The following PROM1 variants were observed in gnomAD, a reference collection of about 807,000 sequenced individuals.
PROM1 encodes prominin 1.
Under a neutral mutation model 116.9 loss-of-function variants are expected in PROM1, and 105 were observed. The ratio of observed to expected loss-of-function variants is 0.90; its 90% confidence interval spans 0.77 to 1.06. The LOEUF (loss-of-function observed/expected upper bound fraction) is 1.06. PROM1 is among the 50% of genes least tolerant of loss of function. The pLI is 0.00. For synonymous variants in PROM1, 393 were observed against 387.0 expected (o/e 1.02, Z -0.18); for missense variants, 1,122 against 1,045.2 (o/e 1.07, Z -1.01).
At chr4:15,993,439 C>A (rs1202213908) in intron 16 of PROM1, among the ~76,000 whole-genome samples, 1 of 152,184 alleles carries the variant, frequency 6.6e-6, no homozygotes, top group Non-Finnish European at 1.5e-5. Context: ...TCCTCCAAAT[C>A]TTAAGACTCA....
chr4:15,995,351 A>AAGG (rs565676604), intron 15 of PROM1, among the ~76,000 whole-genome samples: 1 of 151,404 alleles, frequency 6.6e-6, no homozygotes, highest in East Asian at 1.9e-4. Flanking sequence ...GAAGAAGAAG[A>AAGG]AGGAGGAGGA....
intron 5 of PROM1, 149 bp downstream of exon 5, chr4:16,033,155 G>T: frequency 1.5e-6 from 1 of 655,332 alleles, no homozygotes. Context: ...CTCTAGACAA[G>T]CGCTTGTGCT....
chr4:16,076,108 A>G lies in PROM1; in HGVS notation c.-202T>C. 9.2e-7 allele frequency: 1 copy of G among 1,081,426 alleles called. No homozygotes were observed. Among genetic ancestry groups the G allele is most frequent in the South Asian group, 2.0e-5 (1 of 50,902 alleles). 67.0% of individuals were successfully genotyped at this position (1,081,426 alleles called of 1,614,324 possible). ...GTTCTCCAAGGGGGTCATTCACTCA[A>G]GGCACCATCCCTGGCAGGGAGAGAA... On this transcript the variant is annotated 5_prime_UTR_variant, in exon 2 of 28. Coordinates refer to ENST00000447510, the MANE Select transcript of PROM1 (RefSeq NM_006017.3).
chr4:16,070,961 T>C (rs1366252359), intron 2 of PROM1, among the ~76,000 whole-genome samples: 2 of 152,142 alleles, frequency 1.3e-5, no homozygotes, highest in Non-Finnish European at 2.9e-5. Flanking sequence ...GTAACTGTAA[T>C]CCACTTTATG....
intron 9 of PROM1, among the ~76,000 whole-genome samples, 188 bp downstream of exon 9, chr4:16,018,135 T>C (rs1432218556): frequency 6.6e-6 from 1 of 152,186 alleles, no homozygotes; most frequent in East Asian, 1.9e-4. Flanking sequence ...CGGTTCCCTT[T>C]TACTCCTTTG....
chr4:15,992,473 C>G (rs1721313321), intron 16 of PROM1, 82 bp from the exon 17 acceptor site: 1 of 1,469,266 alleles, frequency 6.8e-7, no homozygotes, highest in Admixed American at 2.0e-5. Flanking sequence ...GCAATAAAAG[C>G]TGGATGTGGT....
intron 2 of PROM1, among the ~76,000 whole-genome samples, chr4:16,051,582 T>G (rs1737903118): frequency 6.6e-6 from 1 of 152,212 alleles, no homozygotes. Flanking sequence ...GTGTGGGGTT[T>G]TGGCCACAGG....
intron 5 of PROM1, among the ~76,000 whole-genome samples, chr4:16,030,565 C>T (rs1732429226): frequency 1.3e-5 from 2 of 152,120 alleles, no homozygotes; most frequent in African/African-American, 4.8e-5. Context: ...CAAGAATTAA[C>T]AAAACGGTAG....
At chr4:16,065,455 C>T (rs2149530876) in intron 2 of PROM1, among the ~76,000 whole-genome samples, 1 of 152,206 alleles carries the variant, frequency 6.6e-6, no homozygotes, top group East Asian at 1.9e-4. Context: ...CCCTCCTCTA[C>T]ACAGCTGTGA....
At chr4:16,036,936 C>G (rs1430817624) in intron 3 of PROM1, among the ~76,000 whole-genome samples, 1 of 152,198 alleles carries the variant, frequency 6.6e-6, no homozygotes, top group Non-Finnish European at 1.5e-5. Context: ...CATCTTCTCT[C>G]CACTGCACCC....
Position 15,989,820 on chromosome 4 carries a change from G to C in PROM1, c.1988C>G (p.Pro663Arg). ...DLEAKANSLPPGNLRNSLKRD... is the reference protein window; with the variant it reads ...DLEAKANSLPRGNLRNSLKRD... ...TTTCAGGGAGTTCCTCAAATTTCCT[G>C]GGGGCTACAAAAAGAATAAAAAACA... The change falls in exon 19 of 28, where the codon CCA (proline) becomes CGA (arginine). Residue 663 changes from proline to arginine, a missense_variant. Transcript: ENST00000447510. 6.3e-7 allele frequency: 1 copy of C among 1,599,746 alleles called. No homozygotes were observed. The highest frequency in any genetic ancestry group is 8.5e-7 in the Non-Finnish European group (1 of 1,171,466).
chr4:16,030,917 A>G (rs1732549940), intron 5 of PROM1, among the ~76,000 whole-genome samples: 1 of 152,098 alleles, frequency 6.6e-6, no homozygotes, highest in African/African-American at 2.4e-5. Flanking sequence ...CTGGTGGCGC[A>G]TGCTTGTAAT....
chr4:15,996,757 A>G (rs1466897620), intron 15 of PROM1, among the ~76,000 whole-genome samples: 1 of 152,198 alleles, frequency 6.6e-6, no homozygotes, highest in African/African-American at 2.4e-5. Context: ...ACTAAGCTAT[A>G]TAATAACGCT....
chr4:16,011,432 A>G (rs1726862322), intron 11 of PROM1, among the ~76,000 whole-genome samples: 1 of 152,222 alleles, frequency 6.6e-6, no homozygotes, highest in South Asian at 2.1e-4. Context: ...ACACGAGAGC[A>G]AAGGACATGA....
At chr4:15,985,925 T>C (rs922892576) in intron 21 of PROM1, 32 bp downstream of exon 21, 17 of 194,732 alleles carry the variant, frequency 8.7e-5, no homozygotes, top group South Asian at 3.7e-4. Context: ...TGCCCACTTA[T>C]GGACACGCTT....
rs907531287 is a variant in PROM1 at position 16,035,716 on chromosome 4, T to G, written c.303+19A>C. 6.2e-7 allele frequency: 1 copy of G among 1,605,722 alleles called. No individual in the cohort carries two copies. On this transcript the variant is annotated intron_variant, in intron 4 of 27. Coordinates refer to ENST00000447510, the MANE Select transcript of PROM1 (RefSeq NM_006017.3). Reference sequence around the variant, plus strand: ...AAGGCTTTCCAAGAGCAACTTGAAATAGCAGACAAGGACTTTACCTTTAGA... The same window carrying G: ...AAGGCTTTCCAAGAGCAACTTGAAAGAGCAGACAAGGACTTTACCTTTAGA...
chr4:16,081,291 A>G (rs1745000140), intron 1 of PROM1, among the ~76,000 whole-genome samples: 1 of 152,020 alleles, frequency 6.6e-6, no homozygotes, highest in Non-Finnish European at 1.5e-5. Flanking sequence ...TCAATTCCCA[A>G]CAAACGGTGC....
At chr4:16,035,711 T>G in intron 4 of PROM1, 24 bp downstream of exon 4, 1 of 1,603,382 alleles carries the variant, frequency 6.2e-7, no homozygotes, top group Admixed American at 1.7e-5. Context: ...AAGAGCAACT[T>G]GAAATAGCAG....
At chr4:16,083,249 C>CTCTT (rs1745375852) in intron 1 of PROM1, 1 of 152,150 alleles carries the variant, frequency 6.6e-6, no homozygotes, top group South Asian at 2.1e-4. Flanking sequence ...ACCGTTCTCC[C>CTCTT]CGAGAGCGAG....
Sources: allele counts gnomAD v4.1 joint callset (sites outside exome capture counted in the v4.1 genomes callset), GRCh38; gene constraint gnomAD v4.1.1; transcripts MANE v1.5; gene names NCBI Gene and HGNC (gene_info 2026-07-23, HGNC 2026-07-21).